Variants in SLC4A10 observed in about 807,000 individuals in gnomAD.
SLC4A10 encodes the protein solute carrier family 4 member 10.
Under a neutral mutation model 137.7 loss-of-function variants are expected in SLC4A10, and 42 were observed. The ratio of observed to expected loss-of-function variants is 0.30; its 90% CI spans 0.24 to 0.39. The LOEUF (loss-of-function observed/expected upper bound fraction) is 0.39. Ranked by LOEUF, SLC4A10 falls within the 10% of genes least tolerant of loss-of-function variation. The pLI, the probability that SLC4A10 is intolerant of heterozygous loss-of-function variation, is 1.00. For missense variants in SLC4A10, 925 were observed against 1,355.0 expected, an observed-to-expected ratio of 0.68 and a Z score of 4.98; for synonymous variants, 474 against 464.1, an observed-to-expected ratio of 1.02 and a Z score of -0.27.
intron 1 of SLC4A10, among the ~76,000 whole-genome samples, chr2:161,630,810 T>G (rs538849185): frequency 1.3e-5 from 2 of 151,912 alleles, no homozygotes; most frequent in East Asian, 3.9e-4. Context: ...TTTCCAGCCT[T>G]GCAGATGAGA....
At chr2:161,976,940 G>A in intron 25 of SLC4A10, 64 bp downstream of exon 25, 3 of 836,756 alleles carry the variant, frequency 3.6e-6, no homozygotes, top group South Asian at 4.3e-5. Flanking sequence ...TAAACCATAA[G>A]CAAAAGAATA....
intron 11 of SLC4A10, among the ~76,000 whole-genome samples, chr2:161,899,407 A>T (rs1010129100): frequency 1.3e-5 from 2 of 152,024 alleles, no homozygotes; most frequent in Non-Finnish European, 2.9e-5. Context: ...CTCTTTTAAC[A>T]TTCACTCCAA....
At chr2:161,902,758 T>C (rs920479389) in intron 12 of SLC4A10, among the ~76,000 whole-genome samples, 5 of 152,220 alleles carry the variant, frequency 3.3e-5, no homozygotes, top group South Asian at 2.1e-4. Context: ...TAAAATATTT[T>C]AATTATTCAT....
At chr2:161,740,228 T>C (rs978819560) in intron 1 of SLC4A10, among the ~76,000 whole-genome samples, 9 of 152,188 alleles carry the variant, frequency 5.9e-5, no homozygotes, top group South Asian at 2.1e-4. Flanking sequence ...CAGCTCTTAA[T>C]TGGTCAGTTG....
chr2:161,638,100 G>A (rs898408997), intron 1 of SLC4A10, among the ~76,000 whole-genome samples: 6 of 152,030 alleles, frequency 3.9e-5, no homozygotes, highest in Admixed American at 6.6e-5. Context: ...TCTGTTTATT[G>A]TTTCCTTTAC....
chr2:161,781,992 A>G (rs1412201009), intron 2 of SLC4A10, among the ~76,000 whole-genome samples: 4 of 152,042 alleles, frequency 2.6e-5, no homozygotes, highest in Non-Finnish European at 4.4e-5. Context: ...TACCCAAAGG[A>G]CTGGCTTCTG....
intron 23 of SLC4A10, among the ~76,000 whole-genome samples, chr2:161,970,995 G>A (rs1449585822): frequency 6.7e-6 from 1 of 148,174 alleles, no homozygotes; most frequent in African/African-American, 2.4e-5. Flanking sequence ...CTTCCCACCT[G>A]GAGTTTCTTC....
At chr2:161,952,989 G>A (rs1280711321) in intron 19 of SLC4A10, among the ~76,000 whole-genome samples, 2 of 152,166 alleles carry the variant, frequency 1.3e-5, no homozygotes, top group African/African-American at 2.4e-5. Flanking sequence ...TGTTTCTTGA[G>A]TATATCACCA....
At chr2:161,729,038 G>C (rs1344874253) in intron 1 of SLC4A10, among the ~76,000 whole-genome samples, 1 of 151,842 alleles carries the variant, frequency 6.6e-6, no homozygotes, top group African/African-American at 2.4e-5. Flanking sequence ...ATAAATAGAA[G>C]GAAACTTCTT....
At chr2:161,705,172 G>A (rs187476998) in intron 1 of SLC4A10, among the ~76,000 whole-genome samples, 4 of 151,446 alleles carry the variant, frequency 2.6e-5, no homozygotes, top group African/African-American at 9.7e-5. Flanking sequence ...AATGCTATTT[G>A]AATTACTAAG....
At chr2:161,844,012 G>T (rs1478414234) in intron 4 of SLC4A10, among the ~76,000 whole-genome samples, 1 of 152,018 alleles carries the variant, frequency 6.6e-6, no homozygotes. Context: ...AGAGACTAAT[G>T]AAATCAACAC....
chr2:161,897,716 G>A (rs556626428), intron 11 of SLC4A10, among the ~76,000 whole-genome samples: 1 of 152,150 alleles, frequency 6.6e-6, no homozygotes, highest in African/African-American at 2.4e-5. Flanking sequence ...ATAATTAATT[G>A]TAGGGTTTAT....
intron 15 of SLC4A10, among the ~76,000 whole-genome samples, chr2:161,939,433 T>C (rs1376055774): frequency 2.0e-5 from 3 of 152,170 alleles, no homozygotes; most frequent in South Asian, 2.1e-4. Flanking sequence ...ACCTCCCTTT[T>C]CAATACGATA....
intron 5 of SLC4A10, 107 bp from the exon 6 acceptor site, chr2:161,862,767 G>A: frequency 2.5e-6 from 2 of 791,736 alleles, no homozygotes; most frequent in Non-Finnish European, 3.5e-6. Flanking sequence ...TCTATTTCAA[G>A]ATGAATAATA....
chr2:161,668,091 T>C (rs981199412), intron 1 of SLC4A10, among the ~76,000 whole-genome samples: 8 of 151,838 alleles, frequency 5.3e-5, no homozygotes, highest in Non-Finnish European at 1.0e-4. Context: ...GCAGTACTTA[T>C]ATGTTAGTTG....
intron 23 of SLC4A10, 54 bp from the exon 24 acceptor site, chr2:161,974,195 G>A: frequency 7.1e-7 from 1 of 1,409,650 alleles, no homozygotes; most frequent in Non-Finnish European, 9.7e-7. Flanking sequence ...CTTCTTTAAT[G>A]TAAAATGGAG....
intron 1 of SLC4A10, among the ~76,000 whole-genome samples, chr2:161,693,085 A>T (rs1050690347): frequency 4.6e-5 from 7 of 152,018 alleles, no homozygotes; most frequent in African/African-American, 1.7e-4. Context: ...AGAACTGGAG[A>T]AAAAGGCAAG....
chr2:161,868,300 T>G (rs1180717519), intron 6 of SLC4A10, among the ~76,000 whole-genome samples: 1 of 151,868 alleles, frequency 6.6e-6, no homozygotes, highest in Non-Finnish European at 1.5e-5. Context: ...TGATGTAATC[T>G]CATGTTCCTT....
chr2:161,843,823 A>T (rs1359615213), intron 4 of SLC4A10, among the ~76,000 whole-genome samples: 1 of 152,162 alleles, frequency 6.6e-6, no homozygotes, highest in Non-Finnish European at 1.5e-5. Context: ...AAGATATTTT[A>T]TCAGCTCATT....
Sources: allele counts gnomAD v4.1 joint callset (sites outside exome capture counted in the v4.1 genomes callset), GRCh38; gene constraint gnomAD v4.1.1; transcripts MANE v1.5; gene names NCBI Gene and HGNC (gene_info 2026-07-23, HGNC 2026-07-21).